The following TBC1D16 variants were observed in gnomAD, a reference collection of about 807,000 sequenced individuals.
The protein encoded by TBC1D16 is CTD-2529O21.1.
A neutral mutation model predicts 74.7 loss-of-function variants in TBC1D16; 58 were observed. The observed-to-expected ratio is 0.78, with a 90% CI of 0.63 to 0.97. The LOEUF is 0.97. TBC1D16 is among the 50% of genes least tolerant of loss of function. The pLI is 0.00. For missense variants in TBC1D16, 1,014 were observed against 1,079.5 expected, an observed-to-expected ratio of 0.94 and a Z score of 0.85; for synonymous variants, 493 against 474.7, an observed-to-expected ratio of 1.04 and a Z score of -0.50.
rs7213038 is a variant in TBC1D16, at chr17:79,941,569, G to C, written c.2056-462C>G. 0.63 allele frequency among the ~76,000 whole-genome samples: 95,795 copies of C among 151,828 alleles called. 30,438 individuals are homozygous for C. The highest frequency in any genetic ancestry group is 0.77 in the East Asian group (3,926 of 5,118). Reference sequence around the variant, plus strand: ...GGACACCACCGACCTCGGGACCCCCGCTCAGTGCCCTGAGGACCACCAGAG... The same window carrying C: ...GGACACCACCGACCTCGGGACCCCCCCTCAGTGCCCTGAGGACCACCAGAG... On this transcript the variant is annotated intron_variant, in intron 11 of 11. Coordinates refer to ENST00000310924, the MANE Select transcript of TBC1D16 (RefSeq NM_019020.4). This position sits in a 1 kb window ranked among gnomAD's most constrained non-coding sequence, Gnocchi z 4.3.
At position 79,942,171 on chromosome 17, in the gene TBC1D16, G is replaced by A. The variant is rs145969761; in HGVS notation, c.1944C>T (p.Ile648=). The A allele has an allele frequency of 1.7e-4, 280 of 1,607,968 alleles. No homozygotes were observed. The African/African-American group carries it at 2.7e-3, about 16-fold the overall frequency. ...DYFHLFICVA[I]VAIYGDDVIE... is the part of the protein sequence containing the mutation. ...TGACGTCATCCCCGTAGATGGCCAC[G>A]ATGGCCACGCAGATGAAAAGGTGGA... Residue 648 remains isoleucine (I), a synonymous_variant, in exon 11 of 12, where the codon ATC becomes ATT. Transcript: ENST00000310924.
Position 79,950,973 on chromosome 17 carries a change from T to A in TBC1D16, c.1090-395A>T. 1 of 914,542 alleles carries A rather than the reference T, an allele frequency of 1.1e-6. No homozygotes were observed. Among genetic ancestry groups the A allele is most frequent in the African/African-American group, 1.7e-5 (1 of 59,462 alleles). The allele number at this position is 914,542 out of a possible 1,614,324, so 56.7% of individuals were successfully genotyped here. ...CAGGGAGCCAGCCTGTCAGATTGCC[T>A]CCGCGAGCAGTCACGAATCCAGGGC... is the stretch of plus-strand genomic sequence containing the variant. On this transcript the variant is annotated intron_variant, in intron 5 of 11. Coordinates refer to ENST00000310924, the MANE Select transcript of TBC1D16 (RefSeq NM_019020.4). This position sits in a 1 kb window ranked among gnomAD's most constrained non-coding sequence, Gnocchi z 4.6.
At chr17:79,965,450 GA>G (rs2033803713) in intron 3 of TBC1D16, among the ~76,000 whole-genome samples, 1 of 152,110 alleles carries the variant, frequency 6.6e-6, no homozygotes, top group Non-Finnish European at 1.5e-5. Flanking sequence ...TAATAATTTA[GA>G]AAAGAAAAAG....
At position 79,950,527 on chromosome 17, in the gene TBC1D16, G is replaced by C; in HGVS notation, c.1141C>G (p.Leu381Val). 1 of 1,613,406 alleles carries C rather than the reference G, an allele frequency of 6.2e-7. No homozygotes were observed. The highest frequency in any genetic ancestry group is 1.1e-5 in the South Asian group (1 of 90,750). ...TCGGGGTGCGTCTCGGAGGACGGCA[G>C]CTTGGGGCGGCGGATGGAGAACTGC... ...CMQFSIRRPK[L>V]PSSETHPEES... The change falls in exon 6 of 12, where the codon CTG becomes GTG. Residue 381 changes from leucine to valine, a missense_variant. Coordinates refer to ENST00000310924, the MANE Select transcript of TBC1D16 (RefSeq NM_019020.4). The surrounding 1 kb of genome is among the most constrained non-coding windows in gnomAD (Gnocchi z 4.6).
chr17:80,006,410 T>C (rs1161685603), intron 3 of TBC1D16, among the ~76,000 whole-genome samples: 2 of 152,076 alleles, frequency 1.3e-5, no homozygotes, highest in Non-Finnish European at 2.9e-5. Flanking sequence ...GGCATTCTCA[T>C]GGGCAGCCGG....
chr17:80,010,783 G>A lies in TBC1D16; in HGVS notation c.182-26C>T, dbSNP rs751759371. On this transcript the variant is annotated intron_variant, in intron 2 of 11. Coordinates refer to ENST00000310924, the MANE Select transcript of TBC1D16 (RefSeq NM_019020.4). This position sits in a 1 kb window ranked among gnomAD's most constrained non-coding sequence, Gnocchi z 8.8. ...CTGTGAGGAGCCAGGGGGATGGCACGTTAGAGGCCAGGAGGCTGTGGATGA... is the reference window on the plus strand; with the variant it reads ...CTGTGAGGAGCCAGGGGGATGGCACATTAGAGGCCAGGAGGCTGTGGATGA... The A allele has an allele frequency of 2.9e-5, 42 of 1,452,948 alleles. No individual in the cohort carries two copies. The East Asian group carries it at 5.7e-4, about 20-fold the overall frequency. 90.0% of individuals were successfully genotyped at this position (1,452,948 alleles called of 1,614,324 possible).
intron 1 of TBC1D16, among the ~76,000 whole-genome samples, chr17:80,015,462 AAGAC>A (rs145540585): frequency 0.015 from 2,211 of 151,986 alleles, 36 homozygotes; most frequent in East Asian, 0.065. Flanking sequence ...AAAAAAATAA[AAGAC>A]AGGCACAGAG....
chr17:80,026,488 C>T (rs1206413802), intron 1 of TBC1D16, among the ~76,000 whole-genome samples: 1 of 149,602 alleles, frequency 6.7e-6, no homozygotes, highest in East Asian at 1.9e-4. Context: ...TAAAAAGAGG[C>T]TTGAGATCAG....
rs2031322024 is a variant in TBC1D16 at position 79,932,597 on chromosome 17, T to C, written c.*8262A>G. 6.6e-6 allele frequency: 1 copy of C among 152,228 alleles called. No homozygotes were observed. The highest frequency in any genetic ancestry group is 2.4e-5 in the African/African-American group (1 of 41,454). 9.4% of individuals were successfully genotyped at this position (152,228 alleles called of 1,614,324 possible). A position where few individuals can be genotyped will look rare whatever the true frequency, so the allele number is the denominator to read the frequency against. The stretch of plus-strand genomic sequence containing the variant: ...CTGCTAGACCATGTGCCAATTCACA[T>C]TGACTTGTAGCCACTAGGACCCTGT... On this transcript the variant is annotated 3_prime_UTR_variant, in exon 12 of 12. Transcript: ENST00000310924.
chr17:80,006,437 C>T (rs2035682245), intron 3 of TBC1D16, among the ~76,000 whole-genome samples: 1 of 152,116 alleles, frequency 6.6e-6, no homozygotes, highest in African/African-American at 2.4e-5. Context: ...GACGCCTGCT[C>T]TACAGCGTCT....
intron 1 of TBC1D16, among the ~76,000 whole-genome samples, chr17:80,029,430 G>T (rs938945892): frequency 6.6e-6 from 1 of 151,950 alleles, no homozygotes; most frequent in African/African-American, 2.4e-5. Context: ...TTCCCTTCCC[G>T]TCCCCTAGGA....
Position 79,950,255 on chromosome 17 carries a change from G to C in TBC1D16, c.1257+156C>G, listed in dbSNP as rs1430653867. The stretch of plus-strand genomic sequence containing the variant: ...GCAGCTTTGATTGCTTTATCGGTGT[G>C]TTCACAGAGAGCCTCACACAAGAAA... On this transcript the variant is annotated intron_variant, in intron 6 of 11. Coordinates refer to ENST00000310924, the MANE Select transcript of TBC1D16 (RefSeq NM_019020.4). The surrounding 1 kb of genome is among the most constrained non-coding windows in gnomAD (Gnocchi z 4.6). Among the ~76,000 whole-genome samples the C allele has an allele frequency of 2.0e-5, 3 of 151,970 alleles. No individual in the cohort carries two copies. The highest frequency in any genetic ancestry group is 7.2e-5 in the African/African-American group (3 of 41,384).
At position 79,981,669 on chromosome 17, in the gene TBC1D16, C is replaced by T. The variant is rs879281850; in HGVS notation, c.779+28491G>A. On this transcript the variant is annotated intron_variant, in intron 3 of 11. Transcript: ENST00000310924. The surrounding 1 kb of genome is among the most constrained non-coding windows in gnomAD (Gnocchi z 6.9). Reference sequence around the variant, plus strand: ...CAAACCTCCAAAGCTGGGAGGGCTACAGTCAAAGAAGCACCTCCCACACCG... The same window carrying T: ...CAAACCTCCAAAGCTGGGAGGGCTATAGTCAAAGAAGCACCTCCCACACCG... Among the ~76,000 whole-genome samples, 10 of 152,260 alleles carry T rather than the reference C, an allele frequency of 6.6e-5. No homozygotes were observed. The highest frequency in any genetic ancestry group is 1.2e-4 in the Non-Finnish European group (8 of 68,040).
rs1324054823 is a variant in TBC1D16 at position 79,990,406 on chromosome 17, C to G, written c.779+19754G>C. Among the ~76,000 whole-genome samples the G allele has an allele frequency of 6.6e-6, 1 of 152,216 alleles. No individual in the cohort carries two copies. Among genetic ancestry groups the G allele is most frequent in the African/African-American group, 2.4e-5 (1 of 41,462 alleles). ...CAGAGGTGAGCCTGGGCAGCCACCT[C>G]CCACGTGATTTCCCAATGCTTGAAG... On this transcript the variant is annotated intron_variant, in intron 3 of 11. Transcript: ENST00000310924. The surrounding 1 kb of genome is among the most constrained non-coding windows in gnomAD (Gnocchi z 4.8).
At chr17:79,984,582 A>G (rs1421364450) in intron 3 of TBC1D16, among the ~76,000 whole-genome samples, 24 of 125,704 alleles carry the variant, frequency 1.9e-4, no homozygotes, top group South Asian at 5.4e-4. Flanking sequence ...GAAAGAAAGA[A>G]AAAGAAAGAA....
chr17:79,941,187 C>T lies in TBC1D16; in HGVS notation c.2056-80G>A. ...GGGTCCCCATGGGAGTGGCCAAAGA[C>T]AGCAACAGCAGCAACAACGGCCTGC... On this transcript the variant is annotated intron_variant, in intron 11 of 11. Coordinates refer to ENST00000310924, the MANE Select transcript of TBC1D16 (RefSeq NM_019020.4). The surrounding 1 kb of genome is among the most constrained non-coding windows in gnomAD (Gnocchi z 4.3). The T allele has an allele frequency of 3.0e-6, 4 of 1,348,196 alleles. No homozygotes were observed. Among genetic ancestry groups the T allele is most frequent in the Non-Finnish European group, 4.0e-6 (4 of 995,018 alleles). The allele number at this position is 1,348,196 out of a possible 1,614,324, so 83.5% of individuals were successfully genotyped here.
At chr17:79,977,253 G>T (rs976752691) in intron 3 of TBC1D16, among the ~76,000 whole-genome samples, 17 of 152,152 alleles carry the variant, frequency 1.1e-4, no homozygotes, top group African/African-American at 3.9e-4. Flanking sequence ...ATGGAGCCCC[G>T]CCCCATCCCA....
rs1387372731 is a variant in TBC1D16, at chr17:79,954,627, G to A, written c.780-1809C>T. On this transcript the variant is annotated intron_variant, in intron 3 of 11. Coordinates refer to ENST00000310924, the MANE Select transcript of TBC1D16 (RefSeq NM_019020.4). This position sits in a 1 kb window ranked among gnomAD's most constrained non-coding sequence, Gnocchi z 5.5. Reference sequence around the variant, plus strand: ...CCTGCGGGAGCTGCGCTTCAGAATCGTTGCTCACAACACAGGGCAGGTCTC... The same window carrying A: ...CCTGCGGGAGCTGCGCTTCAGAATCATTGCTCACAACACAGGGCAGGTCTC... Among the ~76,000 whole-genome samples, 3 of 152,134 alleles carry A rather than the reference G, an allele frequency of 2.0e-5. No individual in the cohort carries two copies. The highest frequency in any genetic ancestry group is 2.9e-5 in the Non-Finnish European group (2 of 68,022).
chr17:80,010,657 G>A lies in TBC1D16; in HGVS notation c.282C>T (p.Ala94=). ...AGCTCTCGGGTGTGATGTAGCGCAG[G>A]GCCTCCTCGTCCTGCCTCTGGATGC... ...NSRIQRQDEE[A]LRYITPESSP... is the part of the protein sequence containing the mutation. Residue 94 remains alanine (A), a synonymous_variant, in exon 3 of 12, where the codon GCC becomes GCT. Coordinates refer to ENST00000310924, the MANE Select transcript of TBC1D16 (RefSeq NM_019020.4). This position sits in a 1 kb window ranked among gnomAD's most constrained non-coding sequence, Gnocchi z 8.8. 4 of 1,545,408 alleles carry A rather than the reference G, an allele frequency of 2.6e-6. No individual in the cohort carries two copies. Among genetic ancestry groups the A allele is most frequent in the South Asian group, 1.3e-5 (1 of 79,676 alleles).
Sources: gnomAD v4.1 joint callset for allele counts (sites outside exome capture counted in the v4.1 genomes callset) on GRCh38, gnomAD v4.1.1 for gene constraint, Gnocchi (gnomAD v3.1) non-coding constraint, MANE v1.5 for transcripts, NCBI Gene and HGNC (gene_info 2026-07-23, HGNC 2026-07-21) for gene names.